Variants in ELF1 observed in about 807,000 individuals in gnomAD.
ELF1 encodes the protein ETS-related transcription factor Elf-1.
Under a neutral mutation model 59.9 loss-of-function variants are expected in ELF1, and 24 were observed. The ratio of observed to expected loss-of-function variants is 0.40; its 90% CI spans 0.29 to 0.56. ELF1 has a LOEUF of 0.56. Among genes scored for constraint, ELF1 ranks in the 20% least tolerant of loss-of-function variants. ELF1 has a pLI of 0.44. For missense variants in ELF1, 627 were observed against 742.2 expected (o/e 0.84, Z 1.80); for synonymous variants, 248 against 266.2 (o/e 0.93, Z 0.67).
intron 2 of ELF1, among the ~76,000 whole-genome samples, chr13:40,961,123 C>T (rs1593364349): frequency 6.9e-6 from 1 of 145,038 alleles, no homozygotes; most frequent in South Asian, 2.3e-4. Flanking sequence ...TTAATGTTTA[C>T]AAAACTACAC....
intron 5 of ELF1, among the ~76,000 whole-genome samples, chr13:40,947,391 A>T (rs746188440): frequency 1.5e-4 from 23 of 152,186 alleles, no homozygotes; most frequent in Non-Finnish European, 2.4e-4. Context: ...AAAATACAAA[A>T]ATCAGCCAGG....
chr13:41,043,972 A>C (rs928509872), intron 1 of ELF1, among the ~76,000 whole-genome samples: 5 of 151,982 alleles, frequency 3.3e-5, no homozygotes, highest in East Asian at 1.9e-4. Context: ...CTTTTATTTC[A>C]TTGAGCAGTG....
At chr13:41,059,714 C>T (rs1261155039) in intron 1 of ELF1, among the ~76,000 whole-genome samples, 4 of 152,196 alleles carry the variant, frequency 2.6e-5, no homozygotes, top group African/African-American at 9.7e-5. Flanking sequence ...AGCTCACATG[C>T]TGCTGACACA....
chr13:40,956,166 T>C (rs540685867), intron 3 of ELF1, among the ~76,000 whole-genome samples: 267 of 151,080 alleles, frequency 1.8e-3, no homozygotes, highest in Middle Eastern at 3.4e-3. Flanking sequence ...AGAAATCGGA[T>C]GGTTGCCGTG....
At chr13:40,935,658 C>T (rs961901615) in intron 8 of ELF1, among the ~76,000 whole-genome samples, 4 of 149,642 alleles carry the variant, frequency 2.7e-5, no homozygotes, top group East Asian at 3.9e-4. Flanking sequence ...CAGTACCTGA[C>T]GCTATAGCCA....
At position 40,997,261 on chromosome 13, in the gene ELF1, CT is replaced by C. The variant is rs869309677; in HGVS notation, c.-228-14980del. 1.9e-3 allele frequency among the ~76,000 whole-genome samples: 287 copies of C among 151,510 alleles called. 1 individual carries two copies. Among genetic ancestry groups the C allele is most frequent in the Middle Eastern group, 6.9e-3 (2 of 290 alleles). ...TTTCTTCTTCATTTATTATTTTAATCTTTTTTTTTCTTTTGAGACGGAGTCT... is the reference window on the plus strand; with the variant it reads ...TTTCTTCTTCATTTATTATTTTAATCTTTTTTTTCTTTTGAGACGGAGTCT... On this transcript the variant is annotated intron_variant, in intron 1 of 8. Coordinates refer to ENST00000239882, the MANE Select transcript of ELF1 (RefSeq NM_172373.4).
At chr13:41,001,040 A>G (rs923930443) in intron 1 of ELF1, among the ~76,000 whole-genome samples, 3 of 150,490 alleles carry the variant, frequency 2.0e-5, no homozygotes, top group Admixed American at 6.6e-5. Flanking sequence ...GCAATGGTGT[A>G]GTCTCGGCTC....
intron 1 of ELF1, among the ~76,000 whole-genome samples, chr13:41,031,818 C>T (rs1440720889): frequency 2.4e-5 from 2 of 82,190 alleles, no homozygotes; most frequent in African/African-American, 5.1e-5. Context: ...GACTCCGTGT[C>T]AAAAAAAAAA....
At chr13:40,952,218 T>C (rs1409596344) in intron 3 of ELF1, among the ~76,000 whole-genome samples, 1 of 152,164 alleles carries the variant, frequency 6.6e-6, no homozygotes, top group African/African-American at 2.4e-5. Flanking sequence ...CTATACCCCC[T>C]CTAACTGAGT....
At chr13:41,015,570 C>A (rs1430834412) in intron 1 of ELF1, among the ~76,000 whole-genome samples, 1 of 152,152 alleles carries the variant, frequency 6.6e-6, no homozygotes, top group African/African-American at 2.4e-5. Flanking sequence ...GCACCTATGT[C>A]ATAATCATTT....
intron 3 of ELF1, among the ~76,000 whole-genome samples, chr13:40,955,110 A>G (rs1871156178): frequency 6.7e-6 from 1 of 148,448 alleles, no homozygotes; most frequent in Non-Finnish European, 1.5e-5. Flanking sequence ...CCGTCTGAGA[A>G]GTGAGGAGAC....
intron 1 of ELF1, chr13:40,993,142 G>A: frequency 1.3e-6 from 2 of 1,543,396 alleles, no homozygotes; most frequent in South Asian, 2.2e-5. Context: ...TCTAGGACCT[G>A]GATACTCTCC....
intron 8 of ELF1, among the ~76,000 whole-genome samples, chr13:40,936,769 AAAAAAAAAG>A (rs1282411833): frequency 7.4e-5 from 11 of 149,516 alleles, no homozygotes; most frequent in African/African-American, 1.7e-4. Context: ...TCAAAAAAAA[AAAAAAAAAG>A]AAAAAAAAGA....
intron 8 of ELF1, 40 bp downstream of exon 8, chr13:40,940,881 C>T: frequency 1.1e-5 from 17 of 1,548,962 alleles, no homozygotes; most frequent in African/African-American, 1.4e-5. Flanking sequence ...TGGTCAGAAA[C>T]ATATTGAAGT....
chr13:41,019,094 G>A (rs1875581825), intron 1 of ELF1, 134 bp downstream of exon 1: 1 of 726,368 alleles, frequency 1.4e-6, no homozygotes, highest in Non-Finnish European at 1.7e-6. Context: ...AATCAGGCAT[G>A]TGACTGACCA....
intron 3 of ELF1, 98 bp from the exon 4 acceptor site, chr13:40,951,534 A>G (rs1870850748): frequency 1.3e-6 from 1 of 789,548 alleles, no homozygotes; most frequent in Non-Finnish European, 1.9e-6. Context: ...TACATCATTT[A>G]ATATTTTAGT....
chr13:40,938,744 A>G (rs918221331), intron 8 of ELF1, among the ~76,000 whole-genome samples: 3 of 151,950 alleles, frequency 2.0e-5, no homozygotes, highest in African/African-American at 7.2e-5. Context: ...ATAATCATAT[A>G]CATTCCATCT....
intron 1 of ELF1, among the ~76,000 whole-genome samples, chr13:41,003,392 T>G (rs1253011819): frequency 6.6e-6 from 1 of 151,064 alleles, no homozygotes; most frequent in Non-Finnish European, 1.5e-5. Context: ...CCTTCAATCT[T>G]AAAAATTAAA....
chr13:40,938,623 C>T (rs934612542), intron 8 of ELF1, among the ~76,000 whole-genome samples: 2 of 152,124 alleles, frequency 1.3e-5, no homozygotes, highest in African/African-American at 2.4e-5. Flanking sequence ...ATTATCTATT[C>T]TCATTGAGCT....
Sources: gnomAD v4.1 joint callset for allele counts (sites outside exome capture counted in the v4.1 genomes callset) on GRCh38, gnomAD v4.1.1 for gene constraint, MANE v1.5 for transcripts, NCBI Gene and HGNC (gene_info 2026-07-23, HGNC 2026-07-21) for gene names.